The following CRYBB2 variants were observed in gnomAD, a reference collection of about 807,000 sequenced individuals.
The protein encoded by CRYBB2 is crystallin beta B2.
Under a neutral mutation model 24.3 loss-of-function variants are expected in CRYBB2, and 12 were observed. The ratio of observed to expected loss-of-function variants is 0.49; its 90% confidence interval spans 0.32 to 0.80. The LOEUF (loss-of-function observed/expected upper bound fraction) is 0.80. Ranked by LOEUF, CRYBB2 falls within the 30% of genes least tolerant of loss-of-function variation. The pLI, the probability that CRYBB2 is intolerant of heterozygous loss-of-function variation, is 0.04. For synonymous variants in CRYBB2, 98 were observed against 101.6 expected (o/e 0.96, Z 0.21); for missense variants, 198 against 268.5 (o/e 0.74, Z 1.83).
At chr22:25,224,430 A>T (rs1041327785) in intron 2 of CRYBB2, among the ~76,000 whole-genome samples, 6 of 152,184 alleles carry the variant, frequency 3.9e-5, no homozygotes, top group Non-Finnish European at 8.8e-5. Context: ...TTATGTCATA[A>T]TTAGTTCTCC....
At chr22:25,218,838 GA>G (rs1935270495), upstream of CRYBB2, among the ~76,000 whole-genome samples, 8 of 97,990 alleles carry the variant, frequency 8.2e-5, no homozygotes, top group African/African-American at 3.8e-4. Context: ...AAGAAAGAAA[GA>G]GAAAGAAAGA....
chr22:25,217,768 A>G (rs1014806694), upstream of CRYBB2, among the ~76,000 whole-genome samples: 1 of 152,314 alleles, frequency 6.6e-6, no homozygotes, highest in Non-Finnish European at 1.5e-5. Context: ...AATGTTGGGT[A>G]GTGATGAGTG....
At chr22:25,230,883 C>G (rs1935519981) in intron 5 of CRYBB2, among the ~76,000 whole-genome samples, 1 of 151,692 alleles carries the variant, frequency 6.6e-6, no homozygotes. Flanking sequence ...GAGCTGAGAT[C>G]TCAAGGAACA....
chr22:25,224,717 C>T (rs1400990414), intron 2 of CRYBB2, among the ~76,000 whole-genome samples: 1 of 152,152 alleles, frequency 6.6e-6, no homozygotes, highest in East Asian at 1.9e-4. Flanking sequence ...GACTGACGCT[C>T]AGAGAGGAGA....
rs4049504 is a variant in CRYBB2, at chr22:25,229,578, C to T, written c.449C>T (p.Thr150Met). The part of the protein sequence containing the change: ...KVSSVRVQSG[T>M]WVGYQYPGYR... The stretch of plus-strand genomic sequence containing the variant: ...TCATCTGTGCGGGTGCAGAGTGGCA[C>T]GTAAGTGCGTTGCCAGCCCTGGCTC... The change falls in exon 5 of 6, where the codon ACG (threonine) becomes ATG (methionine). Residue 150 changes from threonine to methionine, a missense_variant and splice_region_variant. Coordinates refer to ENST00000398215, the MANE Select transcript of CRYBB2 (RefSeq NM_000496.3). The T allele has an allele frequency of 2.0e-4, 330 of 1,614,060 alleles. 1 individual carries two copies. The highest frequency in any genetic ancestry group is 2.6e-4 in the Non-Finnish European group (303 of 1,179,842).
chr22:25,218,592 G>A (rs1935221006), upstream of CRYBB2, among the ~76,000 whole-genome samples: 1 of 150,102 alleles, frequency 6.7e-6, no homozygotes, highest in Non-Finnish European at 1.5e-5. Context: ...CTTGAACCTG[G>A]GAGGCAGAGG....
At position 25,222,937 on chromosome 22, in the gene CRYBB2, A is replaced by G. The variant is rs140376537; in HGVS notation, c.54+1454A>G. Among the ~76,000 whole-genome samples the G allele has an allele frequency of 2.7e-3, 410 of 152,338 alleles. 2 individuals carry two copies. Among genetic ancestry groups the G allele is most frequent in the Non-Finnish European group, 4.0e-3 (273 of 68,028 alleles). On this transcript the variant is annotated intron_variant, in intron 2 of 5. Transcript: ENST00000398215. ...GTGTATGTTACGCTTATAGCACAGT[A>G]TAAGTAATAATATGGACTAATTACA...
At chr22:25,221,193 T>C (rs1935313838) in intron 1 of CRYBB2, among the ~76,000 whole-genome samples, 1 of 152,172 alleles carries the variant, frequency 6.6e-6, no homozygotes, top group Non-Finnish European at 1.5e-5. Context: ...ACCTCGTTTT[T>C]CCCTCCTCCT....
chr22:25,216,911 T>C (rs1001999659), upstream of CRYBB2, among the ~76,000 whole-genome samples: 4 of 152,248 alleles, frequency 2.6e-5, no homozygotes, highest in Admixed American at 1.3e-4. Context: ...TATTTCACTT[T>C]GCATAACATT....
At chr22:25,220,186 A>G (rs1373943291) in intron 1 of CRYBB2, among the ~76,000 whole-genome samples, 1 of 152,216 alleles carries the variant, frequency 6.6e-6, no homozygotes, top group Non-Finnish European at 1.5e-5. Flanking sequence ...AATGACTCTA[A>G]TAATGCCACA....
chr22:25,214,439 T>C (rs962594122), intron 1 of CRYBB2, among the ~76,000 whole-genome samples: 4 of 152,242 alleles, frequency 2.6e-5, no homozygotes, highest in African/African-American at 9.6e-5. Flanking sequence ...ACTGAGTTCA[T>C]AGTTGACACA....
chr22:25,221,566 T>C, intron 2 of CRYBB2, 83 bp downstream of exon 2: 1 of 1,026,470 alleles, frequency 9.7e-7, no homozygotes. Flanking sequence ...TTGGCATCTT[T>C]CTTCATGGGT....
upstream of CRYBB2, among the ~76,000 whole-genome samples, chr22:25,212,536 CTGGCCATT>C (rs1374643472): frequency 6.6e-6 from 1 of 152,222 alleles, no homozygotes; most frequent in Admixed American, 6.5e-5. Flanking sequence ...GGAGGACCTT[CTGGCCATT>C]TCCTGTTGCT....
chr22:25,217,585 G>A (rs1483341846), upstream of CRYBB2, among the ~76,000 whole-genome samples: 1 of 152,048 alleles, frequency 6.6e-6, no homozygotes, highest in African/African-American at 2.4e-5. Flanking sequence ...CCAAAGTGCT[G>A]GGATTACAGG....
chr22:25,228,997 CGTGTGT>C (rs111535731), intron 4 of CRYBB2, among the ~76,000 whole-genome samples: 1 of 145,752 alleles, frequency 6.9e-6, no homozygotes, highest in Non-Finnish European at 1.5e-5. Flanking sequence ...TGTGGGTGTG[CGTGTGT>C]GTGCAAGTGT....
At chr22:25,227,728 G>C in intron 3 of CRYBB2, 125 bp from the exon 4 acceptor site, 2 of 1,526,650 alleles carry the variant, frequency 1.3e-6, no homozygotes, top group Non-Finnish European at 9.0e-7. Flanking sequence ...GTTTGGGTGG[G>C]GCTATTACAT....
At chr22:25,213,713 C>A (rs12167370) in intron 1 of CRYBB2, 3 of 152,076 alleles carry the variant, frequency 2.0e-5, no homozygotes, top group Admixed American at 2.0e-4. Flanking sequence ...AGTGATAACC[C>A]GCTCACTAAT....
intron 4 of CRYBB2, among the ~76,000 whole-genome samples, chr22:25,228,479 G>A (rs868496143): frequency 3.7e-4 from 56 of 151,538 alleles, no homozygotes; most frequent in Middle Eastern, 6.8e-3. Context: ...GCCAGTGTGA[G>A]TTTTCAGTGC....
intron 1 of CRYBB2, chr22:25,213,415 C>G (rs1274542447): frequency 6.6e-6 from 1 of 152,056 alleles, no homozygotes; most frequent in African/African-American, 2.4e-5. Context: ...ACAAACAGCC[C>G]CCAATTCTTG....
Sources: gnomAD v4.1 joint callset for allele counts (sites outside exome capture counted in the v4.1 genomes callset) on GRCh38, gnomAD v4.1.1 for gene constraint, MANE v1.5 for transcripts, NCBI Gene and HGNC (gene_info 2026-07-23, HGNC 2026-07-21) for gene names.